TMEM187: variants seen among roughly 807,000 people sequenced by gnomAD.
TMEM187 encodes chromosome X open reading frame 12.
In TMEM187, 14 loss-of-function variants were observed where a neutral mutation model predicts 11.8. That is an observed-to-expected ratio of 1.18 (90% CI 0.78 to 1.85). TMEM187 has a LOEUF of 1.85. Ranked by LOEUF, TMEM187 falls within the 40% of genes most tolerant of loss-of-function variation. The pLI is 0.00. For synonymous variants in TMEM187, 112 were observed against 118.5 expected (o/e 0.95, Z 0.36); for missense variants, 227 against 243.9 (o/e 0.93, Z 0.46).
At chrX:153,973,475 A>G (rs2065563214) in intron 1 of TMEM187, among the ~76,000 whole-genome samples, 1 of 111,958 alleles carries the variant, frequency 8.9e-6, no homozygotes, top group South Asian at 3.7e-4. Context: ...TGTAATCCCA[A>G]CACTTTGGAA....
intron 1 of TMEM187, among the ~76,000 whole-genome samples, chrX:153,975,044 TCCCACC>T (rs2065572235): frequency 1.8e-5 from 2 of 112,358 alleles, no homozygotes; most frequent in Non-Finnish European, 3.8e-5. Context: ...TCAGACCCTG[TCCCACC>T]CATTTGGGGC....
intron 1 of TMEM187, among the ~76,000 whole-genome samples, chrX:153,975,629 CTTTTTTTTTTTTTT>C (rs58423366): frequency 6.0e-5 from 1 of 16,650 alleles, no homozygotes; most frequent in Non-Finnish European, 1.1e-4. Context: ...CACACCCAGC[CTTTTTTTTTTTTTT>C]TTTTTTTTTT....
intron 1 of TMEM187, among the ~76,000 whole-genome samples, chrX:153,978,460 G>T (rs1036211177): frequency 3.2e-4 from 33 of 104,541 alleles, no homozygotes; most frequent in Non-Finnish European, 5.9e-4. Context: ...TAGAGATGGG[G>T]TTTCACCATA....
At chrX:153,978,642 G>A (rs1325884865) in intron 1 of TMEM187, among the ~76,000 whole-genome samples, 1 of 96,376 alleles carries the variant, frequency 1.0e-5, no homozygotes, top group Admixed American at 1.2e-4. Context: ...GGAGTGCAGT[G>A]GCGTGATCTC....
rs1557122566 is a variant in TMEM187, at chrX:153,982,218, G to A, written c.156G>A (p.Leu52=). 3 of 1,212,172 alleles carry A rather than the reference G, an allele frequency of 2.5e-6. No individual in the cohort carries two copies. Among genetic ancestry groups the A allele is most frequent in the South Asian group, 3.5e-5 (2 of 57,071 alleles). ...EAPVAGLPAF[L]AMPFNSLVNM... is the part of the protein sequence containing the mutation. ...CCGTGGCCGGCCTCCCTGCCTTCCT[G>A]GCCATGCCGTTCAACTCACTCGTGA... The change falls in exon 2 of 2, where the codon CTG becomes CTA. Residue 52 remains leucine (L), a synonymous_variant. Transcript: ENST00000369982.
At chrX:153,981,276 G>A (rs1482618661) in intron 1 of TMEM187, 1 of 113,669 alleles carries the variant, frequency 8.8e-6, no homozygotes, top group African/African-American at 3.3e-5. Context: ...GTGACTGAAG[G>A]AGACAGAAGG....
Position 153,982,503 on chromosome X carries a change from C to T in TMEM187, c.441C>T (p.Cys147=), listed in dbSNP as rs6571303. 0.22 allele frequency: 262,277 copies of T among 1,202,457 alleles called. 26,626 individuals are homozygous for T. Among genetic ancestry groups the T allele is most frequent in the East Asian group, 0.72 (24,282 of 33,590 alleles). The change falls in exon 2 of 2, where the codon TGC becomes TGT. Residue 147 remains cysteine, a synonymous_variant. Transcript: ENST00000369982. The stretch of plus-strand genomic sequence containing the variant: ...CCTGGCTGTTCCTCTCTCTTGAGTG[C>T]GTCTCCCTGGCCAGTTATGGCCTCG... ...WRPWLFLSLE[C]VSLASYGLAL...
chrX:153,979,981 C>T lies in TMEM187; in HGVS notation c.-213-1869C>T, dbSNP rs1027437554. 9.1e-5 allele frequency among the ~76,000 whole-genome samples: 10 copies of T among 109,573 alleles called. No individual in the cohort carries two copies. The South Asian group carries it at 3.9e-3, about 42-fold the overall frequency. On this transcript the variant is annotated intron_variant, in intron 1 of 1. Coordinates refer to ENST00000369982, the MANE Select transcript of TMEM187 (RefSeq NM_003492.3). ...CTCGATCTCCTGACCTCGTGATCCA[C>T]CCGCCTTGGCCTCCCAAAGTGCTGG...
At chrX:153,981,635 G>A (rs1463319047) in intron 1 of TMEM187, among the ~76,000 whole-genome samples, 2 of 112,136 alleles carry the variant, frequency 1.8e-5, no homozygotes, top group African/African-American at 6.5e-5. Context: ...GTGGCTTTAA[G>A]GAAACTAGGA....
At chrX:153,980,566 C>A (rs1243069739) in intron 1 of TMEM187, 1 of 111,292 alleles carries the variant, frequency 9.0e-6, no homozygotes, top group Non-Finnish European at 1.9e-5. Context: ...CCGGGGCTGG[C>A]ACAGATGGTT....
intron 1 of TMEM187, among the ~76,000 whole-genome samples, 191 bp downstream of exon 1, chrX:153,973,051 G>A (rs782350687): frequency 1.8e-5 from 2 of 112,180 alleles, no homozygotes; most frequent in East Asian, 5.6e-4. Context: ...GGACAGACCG[G>A]TCCTGTCAGA....
In TMEM187 at chrX:153,982,130, T is replaced by C; in HGVS notation, c.68T>C (p.Val23Ala). ...AVAGGLCAVA[V>A]FTGIFDSVSV... ...GCCGGTGGCCTCTGTGCCGTGGCTG[T>C]GTTCACGGGCATTTTCGACAGTGTT... Residue 23 changes from valine (V) to alanine (A), a missense_variant, in exon 2 of 2, where the codon GTG becomes GCG. Coordinates refer to ENST00000369982, the MANE Select transcript of TMEM187 (RefSeq NM_003492.3). 8.2e-7 allele frequency: 1 copy of C among 1,212,458 alleles called. No homozygotes were observed. Among genetic ancestry groups the C allele is most frequent in the Non-Finnish European group, 1.1e-6 (1 of 895,659 alleles).
At chrX:153,975,629 C>CTTT (rs58423366) in intron 1 of TMEM187, among the ~76,000 whole-genome samples, 246 of 16,630 alleles carry the variant, frequency 0.015, 41 homozygotes, top group East Asian at 0.067. Flanking sequence ...CACACCCAGC[C>CTTT]TTTTTTTTTT....
intron 1 of TMEM187, among the ~76,000 whole-genome samples, chrX:153,979,652 T>G (rs1557122011): frequency 9.2e-6 from 1 of 108,873 alleles, no homozygotes; most frequent in African/African-American, 3.3e-5. Context: ...TCTCAGGACT[T>G]TGGGAGGCCA....
intron 1 of TMEM187, among the ~76,000 whole-genome samples, chrX:153,975,051 C>CTG (rs2065572301): frequency 1.8e-5 from 2 of 112,374 alleles, no homozygotes; most frequent in Non-Finnish European, 3.8e-5. Context: ...CTGTCCCACC[C>CTG]ATTTGGGGCC....
At chrX:153,973,546 G>A (rs1334052114) in intron 1 of TMEM187, among the ~76,000 whole-genome samples, 1 of 112,168 alleles carries the variant, frequency 8.9e-6, no homozygotes, top group African/African-American at 3.2e-5. Flanking sequence ...CCGGAGGCAT[G>A]GTGGCACACG....
chrX:153,982,975 T>A lies in TMEM187; in HGVS notation c.*127T>A. ...TGCACTGATCACACAAGACTGCCCT[T>A]TCCTGAGAAGCTGCGGGCTTCGGTG... On this transcript the variant is annotated 3_prime_UTR_variant, in exon 2 of 2. Transcript: ENST00000369982. The A allele has an allele frequency of 8.6e-7, 1 of 1,158,284 alleles. No individual in the cohort carries two copies. The highest frequency in any genetic ancestry group is 1.2e-6 in the Non-Finnish European group (1 of 862,060).
intron 1 of TMEM187, among the ~76,000 whole-genome samples, chrX:153,976,876 T>G (rs190975760): frequency 1.8e-5 from 2 of 112,508 alleles, no homozygotes; most frequent in African/African-American, 6.4e-5. Flanking sequence ...ATAAACAAAC[T>G]AATAAGATAA....
At chrX:153,974,868 G>C in intron 1 of TMEM187, among the ~76,000 whole-genome samples, 1 of 112,786 alleles carries the variant, frequency 8.9e-6, no homozygotes, top group South Asian at 3.6e-4. Context: ...AGGCAAGAAG[G>C]CTGAGAATGA....
Sources: allele counts gnomAD v4.1 joint callset (sites outside exome capture counted in the v4.1 genomes callset), GRCh38; gene constraint gnomAD v4.1.1; transcripts MANE v1.5; gene names NCBI Gene and HGNC (gene_info 2026-07-23, HGNC 2026-07-21).